TAX1BP1: variants seen among roughly 807,000 people sequenced by gnomAD.
TAX1BP1 encodes the protein Tax1 binding protein 1, also known as tax1-binding protein 1.
A neutral mutation model predicts 97.7 loss-of-function variants in TAX1BP1; 62 were observed. That is an observed-to-expected ratio of 0.63 (90% CI 0.52 to 0.78). The LOEUF (loss-of-function observed/expected upper bound fraction) is 0.78, where lower values mean the gene tolerates loss of function less well. TAX1BP1 is among the 30% of genes least tolerant of loss of function. The pLI is 0.00. For missense variants in TAX1BP1, 867 were observed against 916.1 expected, an observed-to-expected ratio of 0.95 and a Z score of 0.69; for synonymous variants, 340 against 304.2, an observed-to-expected ratio of 1.12 and a Z score of -1.23.
At chr7:27,741,290 AAACT>A (rs1787587366) in intron 1 of TAX1BP1, among the ~76,000 whole-genome samples, 1 of 143,924 alleles carries the variant, frequency 6.9e-6, no homozygotes, top group Admixed American at 7.2e-5. Context: ...ATTTGAATAG[AAACT>A]AAAAGTGGGT....
In TAX1BP1 at chr7:27,785,428, A is replaced by G. The variant is rs956077525; in HGVS notation, c.791A>G (p.His264Arg). 2.5e-6 allele frequency: 4 copies of G among 1,613,660 alleles called. No homozygotes were observed. The Admixed American group carries it at 6.7e-5, about 27-fold the overall frequency. ...SLKDKLKKAQ[H>R]EREQLECQLK... ...AAGGACAAACTCAAGAAGGCACAAC[A>G]TGAAAGAGAACAACTTGAATGTCAG... Residue 264 changes from histidine to arginine, a missense_variant, in exon 7 of 17, where the codon CAT becomes CGT. By Grantham distance (29) the His-to-Arg change is conservative (BLOSUM62 0). This residue lies in a region of TAX1BP1 where 822 missense variants were observed against 851.4 expected (regional missense o/e 0.97). Transcript: ENST00000396319.
intron 15 of TAX1BP1, among the ~76,000 whole-genome samples, chr7:27,817,752 G>C (rs1001724954): frequency 6.6e-6 from 1 of 151,992 alleles, no homozygotes; most frequent in Non-Finnish European, 1.5e-5. Context: ...TTTCTTCATA[G>C]TAGCTCTTTT....
intron 13 of TAX1BP1, among the ~76,000 whole-genome samples, chr7:27,813,566 C>G (rs146630229): frequency 3.3e-5 from 5 of 152,216 alleles, no homozygotes; most frequent in South Asian, 2.1e-4. Flanking sequence ...GTTGCCCAGG[C>G]TGGGCTCAAG....
intron 13 of TAX1BP1, 95 bp downstream of exon 13, chr7:27,800,185 T>C: frequency 3.5e-6 from 4 of 1,137,390 alleles, no homozygotes; most frequent in Non-Finnish European, 4.7e-6. Flanking sequence ...ATTTTAAATA[T>C]GGATAATTGA....
intron 5 of TAX1BP1, among the ~76,000 whole-genome samples, chr7:27,773,634 C>T (rs978902525): frequency 1.3e-5 from 2 of 152,064 alleles, no homozygotes; most frequent in African/African-American, 4.8e-5. Flanking sequence ...TGTTAATTCA[C>T]TCCTTTTATT....
intron 12 of TAX1BP1, among the ~76,000 whole-genome samples, chr7:27,798,481 T>G (rs192803236): frequency 6.6e-6 from 1 of 151,882 alleles, no homozygotes; most frequent in Non-Finnish European, 1.5e-5. Flanking sequence ...CTGGCTAATA[T>G]GGTGAAACCC....
intron 4 of TAX1BP1, among the ~76,000 whole-genome samples, chr7:27,768,758 G>A (rs1007040348): frequency 8.6e-5 from 13 of 152,024 alleles, no homozygotes; most frequent in Non-Finnish European, 1.6e-4. Context: ...TTGATTTGTT[G>A]GAACAGGTAG....
chr7:27,822,338 A>G (rs1244250370), intron 15 of TAX1BP1, among the ~76,000 whole-genome samples: 1 of 152,168 alleles, frequency 6.6e-6, no homozygotes, highest in Non-Finnish European at 1.5e-5. Flanking sequence ...TCTTTGGGGA[A>G]AGTGGAATTA....
chr7:27,810,411 G>A (rs1253483253), intron 13 of TAX1BP1, among the ~76,000 whole-genome samples: 2 of 152,130 alleles, frequency 1.3e-5, no homozygotes, highest in African/African-American at 2.4e-5. Context: ...CTTAGAAAAG[G>A]TAAATTCTTT....
chr7:27,810,097 C>A (rs910987182), intron 13 of TAX1BP1, among the ~76,000 whole-genome samples: 2 of 151,858 alleles, frequency 1.3e-5, no homozygotes, highest in African/African-American at 2.4e-5. Context: ...TTAGTAGAGA[C>A]AAGGTTTCAC....
rs193208116 is a variant in TAX1BP1, at chr7:27,766,313, G to A, written c.453+292G>A. On this transcript the variant is annotated intron_variant, in intron 4 of 16. Transcript: ENST00000396319. Reference sequence around the variant, plus strand: ...CAGGCACCTGTAGTCCCAGCTACTCGGGAGGCTGAAGCAGGAGAATGGCAT... The same window carrying A: ...CAGGCACCTGTAGTCCCAGCTACTCAGGAGGCTGAAGCAGGAGAATGGCAT... 3.6e-4 allele frequency among the ~76,000 whole-genome samples: 54 copies of A among 151,590 alleles called. No individual in the cohort carries two copies. In the East Asian group the frequency reaches 8.9e-3, roughly 25 times the overall value.
chr7:27,786,035 A>G (rs1789465272), intron 7 of TAX1BP1, among the ~76,000 whole-genome samples: 1 of 152,112 alleles, frequency 6.6e-6, no homozygotes, highest in Admixed American at 6.6e-5. Flanking sequence ...TTTAGTAATA[A>G]TCCCATTTTA....
At chr7:27,812,709 G>A (rs1038820969) in intron 13 of TAX1BP1, among the ~76,000 whole-genome samples, 3 of 152,110 alleles carry the variant, frequency 2.0e-5, no homozygotes, top group African/African-American at 7.2e-5. Context: ...AGTTTTTAAA[G>A]ATCATGTTGA....
intron 2 of TAX1BP1, among the ~76,000 whole-genome samples, chr7:27,749,934 G>A (rs1026456839): frequency 3.3e-5 from 5 of 152,068 alleles, no homozygotes; most frequent in Non-Finnish European, 7.4e-5. Context: ...TGGGATTATA[G>A]ACACAACACC....
intron 13 of TAX1BP1, among the ~76,000 whole-genome samples, chr7:27,814,277 A>G (rs893360150): frequency 9.9e-5 from 15 of 151,854 alleles, no homozygotes; most frequent in African/African-American, 3.4e-4. Context: ...TATATCTCCT[A>G]TTTCTCAGTA....
At position 27,816,497 on chromosome 7, in the gene TAX1BP1, C is replaced by T; in HGVS notation, c.1913C>T (p.Pro638Leu). Residue 638 changes from proline (P) to leucine (L), a missense_variant, in exon 14 of 17, where the codon CCT becomes CTT. Physicochemically the swap from Pro to Leu is moderately conservative, Grantham distance 98. Around this residue, in one of 3 missense-constraint regions of TAX1BP1, gnomAD observed 822 missense variants for 851.4 expected, o/e 0.97. Coordinates refer to ENST00000396319, the MANE Select transcript of TAX1BP1 (RefSeq NM_006024.7). ...NAQPVLQYGN[P>L]YASQETRDGA... ...CAACCAGTTCTGCAATATGGTAATCCTTATGCATCTCAGGAAACAAGAGGT... is the reference window on the plus strand; with the variant it reads ...CAACCAGTTCTGCAATATGGTAATCTTTATGCATCTCAGGAAACAAGAGGT... The T allele has an allele frequency of 6.5e-7, 1 of 1,540,230 alleles. No homozygotes were observed. Among genetic ancestry groups the T allele is most frequent in the Non-Finnish European group, 8.6e-7 (1 of 1,156,248 alleles).
chr7:27,811,051 C>T (rs1790540186), intron 13 of TAX1BP1, among the ~76,000 whole-genome samples: 1 of 152,054 alleles, frequency 6.6e-6, no homozygotes, highest in South Asian at 2.1e-4. Flanking sequence ...TAGAGTTGTA[C>T]CTTTTATTAG....
At chr7:27,781,607 T>C (rs1336380228) in intron 5 of TAX1BP1, among the ~76,000 whole-genome samples, 1 of 152,142 alleles carries the variant, frequency 6.6e-6, no homozygotes. Context: ...GTGCTCTAGG[T>C]TATTCAGGGA....
rs73684044 is a variant in TAX1BP1, at chr7:27,745,711, T to C, written c.-7-2807T>C. ...TAAAGTGAAATACTAGTGTTTTCTA[T>C]TAGAAAATGTGAAATTCAGGGGAGG... On this transcript the variant is annotated intron_variant, in intron 1 of 16. Coordinates refer to ENST00000396319, the MANE Select transcript of TAX1BP1 (RefSeq NM_006024.7). Among the ~76,000 whole-genome samples, 1,125 of 151,334 alleles carry C rather than the reference T, an allele frequency of 7.4e-3. 15 individuals carry two copies. Among genetic ancestry groups the C allele is most frequent in the African/African-American group, 0.026 (1,070 of 41,538 alleles).
Sources: allele counts gnomAD v4.1 joint callset (sites outside exome capture counted in the v4.1 genomes callset), GRCh38; gene constraint gnomAD v4.1.1; regional missense constraint gnomAD v4.1.1; transcripts MANE v1.5; gene names NCBI Gene and HGNC (gene_info 2026-07-23, HGNC 2026-07-21).